Variants in MYO7B observed in about 807,000 individuals in gnomAD.
The protein encoded by MYO7B is unconventional myosin-VIIb.
MYO7B carries 212 observed loss-of-function variants against 259.7 expected under a neutral mutation model. The ratio of observed to expected loss-of-function variants is 0.82; its 90% CI spans 0.73 to 0.91. The LOEUF (loss-of-function observed/expected upper bound fraction) is 0.91, where lower values mean the gene tolerates loss of function less well. Among genes scored for constraint, MYO7B ranks in the 40% least tolerant of loss-of-function variants. The pLI, the probability that MYO7B is intolerant of heterozygous loss-of-function variation, is 0.00. For synonymous variants in MYO7B, 1,197 were observed against 1,166.4 expected, an observed-to-expected ratio of 1.03 and a Z score of -0.54; for missense variants, 2,732 against 2,813.5, an observed-to-expected ratio of 0.97 and a Z score of 0.66.
chr2:127,595,206 T>A (rs751180592), intron 18 of MYO7B, among the ~76,000 whole-genome samples: 3 of 152,226 alleles, frequency 2.0e-5, no homozygotes, highest in Non-Finnish European at 4.4e-5. Context: ...GGAGGGTGTA[T>A]GTGTCCAGGA....
At chr2:127,601,853 A>G (rs1679974403) in intron 19 of MYO7B, among the ~76,000 whole-genome samples, 1 of 152,158 alleles carries the variant, frequency 6.6e-6, no homozygotes, top group Non-Finnish European at 1.5e-5. Context: ...TTCGAATATC[A>G]TTGTTCCCTT....
Position 127,585,117 on chromosome 2 carries a change from T to C in MYO7B, c.1690+204T>C, listed in dbSNP as rs1375669592. ...TTCTGGTAATAACTCTGTTGAGACA[T>C]AATTCACATACCATGTTATTTACCT... On this transcript the variant is annotated intron_variant, in intron 14 of 47. Transcript: ENST00000409816. The surrounding 1 kb of genome is among the most constrained non-coding windows in gnomAD (Gnocchi z 4.3). Among the ~76,000 whole-genome samples, 1 of 152,238 alleles carries C rather than the reference T, an allele frequency of 6.6e-6. No individual in the cohort carries two copies. Among genetic ancestry groups the C allele is most frequent in the African/African-American group, 2.4e-5 (1 of 41,458 alleles).
intron 39 of MYO7B, 30 bp downstream of exon 39, chr2:127,632,431 T>A (rs547920687): frequency 6.6e-7 from 1 of 1,504,504 alleles, no homozygotes; most frequent in Admixed American, 2.3e-5. Context: ...CCCCCAGCAT[T>A]GGCCCTGGGC....
chr2:127,630,500 G>A (rs1052540037), intron 35 of MYO7B, among the ~76,000 whole-genome samples: 9 of 152,156 alleles, frequency 5.9e-5, no homozygotes, highest in African/African-American at 2.2e-4. Flanking sequence ...GGAGCTGGGG[G>A]TCTGAGAAAC....
At chr2:127,623,897 G>T (rs552713829) in intron 29 of MYO7B, among the ~76,000 whole-genome samples, 196 bp from the exon 30 acceptor site, 3 of 152,324 alleles carry the variant, frequency 2.0e-5, no homozygotes, top group Admixed American at 6.5e-5. Context: ...GAGAGTAATG[G>T]GGAGTGGCAG....
intron 18 of MYO7B, among the ~76,000 whole-genome samples, chr2:127,594,623 T>TATTA (rs1558823540): frequency 6.6e-6 from 1 of 152,204 alleles, no homozygotes; most frequent in Non-Finnish European, 1.5e-5. Context: ...AAATGGCTCT[T>TATTA]ATTATTTTGA....
Position 127,584,248 on chromosome 2 carries a change from C to T in MYO7B, c.1470C>T (p.Thr490=), listed in dbSNP as rs774301947. 21 of 1,613,872 alleles carry T rather than the reference C, an allele frequency of 1.3e-5. No homozygotes were observed. The highest frequency in any genetic ancestry group is 4.0e-5 in the African/African-American group (3 of 74,924). The change falls in exon 13 of 48, where the codon ACC becomes ACT. Residue 490 remains threonine (T), a synonymous_variant. Coordinates refer to ENST00000409816, the MANE Select transcript of MYO7B (RefSeq NM_001393586.1). The surrounding 1 kb of genome is among the most constrained non-coding windows in gnomAD (Gnocchi z 5.8). ...TCTCCTGGGACTATATCCACTACACCGACAATCGGCCCACCCTGGACCTGC... is the reference window on the plus strand; with the variant it reads ...TCTCCTGGGACTATATCCACTACACTGACAATCGGCCCACCCTGGACCTGC... ...ENISWDYIHY[T]DNRPTLDLLA... is the part of the protein sequence containing the mutation.
intron 29 of MYO7B, among the ~76,000 whole-genome samples, 191 bp from the exon 30 acceptor site, chr2:127,623,901 GT>G (rs1213005018): frequency 1.3e-5 from 2 of 152,232 alleles, no homozygotes; most frequent in African/African-American, 4.8e-5. Flanking sequence ...GTAATGGGGA[GT>G]GGCAGATGGG....
Position 127,611,974 on chromosome 2 carries a change from C to T in MYO7B, c.3193-276C>T, listed in dbSNP as rs1254331574. Among the ~76,000 whole-genome samples the T allele has an allele frequency of 6.6e-6, 1 of 152,168 alleles. No individual in the cohort carries two copies. Among genetic ancestry groups the T allele is most frequent in the East Asian group, 1.9e-4 (1 of 5,188 alleles). On this transcript the variant is annotated intron_variant, in intron 24 of 47. Transcript: ENST00000409816. The surrounding 1 kb of genome is among the most constrained non-coding windows in gnomAD (Gnocchi z 5.4). ...TTTGGGATCAGAACAGCCCTGAGCCCCTCCCTGGGGGCTGGTGACCCACTG... is the reference window on the plus strand; with the variant it reads ...TTTGGGATCAGAACAGCCCTGAGCCTCTCCCTGGGGGCTGGTGACCCACTG...
chr2:127,598,207 C>T (rs6708915), intron 19 of MYO7B, among the ~76,000 whole-genome samples: 52,645 of 152,112 alleles, frequency 0.35, 9,431 homozygotes, highest in South Asian at 0.53. Context: ...AGAGTGGCTG[C>T]ACCATTTTAC....
intron 34 of MYO7B, among the ~76,000 whole-genome samples, chr2:127,629,422 C>T (rs1470869414): frequency 2.6e-5 from 4 of 152,178 alleles, no homozygotes; most frequent in East Asian, 3.9e-4. Context: ...TCAGAGCTCT[C>T]GAGCCCCCAC....
Position 127,545,957 on chromosome 2 carries a change from G to A in MYO7B, c.-24+10126G>A, listed in dbSNP as rs185781580. On this transcript the variant is annotated intron_variant, in intron 1 of 47. Coordinates refer to ENST00000409816, the MANE Select transcript of MYO7B (RefSeq NM_001393586.1). ...GCCCCAAATTCAGGGTGTTTGGCCC[G>A]GATCTAGACTCTGGTGACTTTGCCT... Among the ~76,000 whole-genome samples the A allele has an allele frequency of 1.7e-3, 260 of 152,282 alleles. 1 individual carries two copies. The highest frequency in any genetic ancestry group is 5.8e-3 in the African/African-American group (241 of 41,566).
chr2:127,631,537 C>T (rs1681508989), intron 37 of MYO7B, 63 bp from the exon 38 acceptor site: 25 of 1,576,380 alleles, frequency 1.6e-5, no homozygotes, highest in South Asian at 8.2e-5. Context: ...TCGGGGTCAG[C>T]GTCTATCCCC....
intron 26 of MYO7B, 97 bp from the exon 27 acceptor site, chr2:127,620,242 AC>A: frequency 7.1e-7 from 1 of 1,413,084 alleles, no homozygotes; most frequent in Non-Finnish European, 9.6e-7. Context: ...TGCATATGGG[AC>A]CTCTCAGAGG....
intron 9 of MYO7B, among the ~76,000 whole-genome samples, chr2:127,579,277 G>A (rs1451251575): frequency 6.6e-6 from 1 of 152,218 alleles, no homozygotes; most frequent in Admixed American, 6.5e-5. Context: ...GAACTAAGGA[G>A]AGACCATTCT....
Position 127,574,118 on chromosome 2 carries a change from A to C in MYO7B, c.735+56A>C, listed in dbSNP as rs1275488093. The C allele has an allele frequency of 1.1e-5, 17 of 1,604,120 alleles. 1 individual carries two copies. Among genetic ancestry groups the C allele is most frequent in the Middle Eastern group, 2.0e-4 (1 of 5,046 alleles). The stretch of plus-strand genomic sequence containing the variant: ...TGAGGGAATGGGGGAGGTTTCCAAG[A>C]GGGGCCCCTTTCCCACTCTCACCTC... On this transcript the variant is annotated intron_variant, in intron 7 of 47. Transcript: ENST00000409816.
intron 7 of MYO7B, among the ~76,000 whole-genome samples, chr2:127,574,406 G>A (rs1678778678): frequency 6.6e-6 from 1 of 152,228 alleles, no homozygotes; most frequent in Admixed American, 6.5e-5. Context: ...GCTAGGCAGT[G>A]GCACACGCCT....
rs1486975133 is a variant in MYO7B, at chr2:127,629,769, G to T, written c.4749G>T (p.Val1583=). 6.2e-7 allele frequency: 1 copy of T among 1,609,352 alleles called. No individual in the cohort carries two copies. The highest frequency in any genetic ancestry group is 1.7e-5 in the Admixed American group (1 of 59,504). ...QNDRTGKTGL[V]PMACLYTIPT... is the part of the protein sequence containing the mutation. ...ACAGGACAGGCAAGACGGGGCTGGT[G>T]CCCATGGCCTGCCTCTACACCATCC... The change falls in exon 35 of 48, where the codon GTG becomes GTT. Residue 1583 remains valine, a synonymous_variant. Transcript: ENST00000409816.
intron 6 of MYO7B, 61 bp downstream of exon 6, chr2:127,569,971 T>A: frequency 6.5e-7 from 1 of 1,549,070 alleles, no homozygotes; most frequent in South Asian, 1.2e-5. Context: ...TCCTGCCAGG[T>A]AGGACCATGG....
Sources: gnomAD v4.1 joint callset for allele counts (sites outside exome capture counted in the v4.1 genomes callset) on GRCh38, gnomAD v4.1.1 for gene constraint, Gnocchi (gnomAD v3.1) non-coding constraint, MANE v1.5 for transcripts, NCBI Gene and HGNC (gene_info 2026-07-23, HGNC 2026-07-21) for gene names.